Variants in HDAC9 observed in about 807,000 individuals in gnomAD.
The protein encoded by HDAC9 is MEF-2 interacting transcription repressor (MITR) protein.
In HDAC9, 41 loss-of-function variants were observed where a neutral mutation model predicts 139.4. The ratio of observed to expected loss-of-function variants is 0.29; its 90% CI spans 0.23 to 0.38. The LOEUF is 0.38. Ranked by LOEUF, HDAC9 falls within the 10% of genes least tolerant of loss-of-function variation. The pLI is 1.00. For synonymous variants in HDAC9, 517 were observed against 476.2 expected (o/e 1.09, Z -1.12); for missense variants, 1,147 against 1,297.0 (o/e 0.88, Z 1.78).
intron 1 of HDAC9, among the ~76,000 whole-genome samples, chr7:18,149,313 A>G (rs1277000029): frequency 1.3e-5 from 2 of 150,180 alleles, no homozygotes; most frequent in African/African-American, 4.9e-5. Context: ...TAATTATAAT[A>G]TTTAACAACA....
intron 12 of HDAC9, among the ~76,000 whole-genome samples, chr7:18,718,333 G>T (rs1438363047): frequency 6.6e-6 from 1 of 152,136 alleles, no homozygotes; most frequent in African/African-American, 2.4e-5. Context: ...CCAGGTTCAA[G>T]CAATTCTCCT....
At chr7:18,704,853 G>T (rs993865535) in intron 12 of HDAC9, among the ~76,000 whole-genome samples, 7 of 152,096 alleles carry the variant, frequency 4.6e-5, no homozygotes, top group Non-Finnish European at 1.0e-4. Flanking sequence ...AGAGGAAATT[G>T]AAGTAAAACA....
chr7:18,092,063 T>G (rs73683824), intron 1 of HDAC9, among the ~76,000 whole-genome samples: 2,201 of 152,264 alleles, frequency 0.014, 55 homozygotes, highest in African/African-American at 0.05. Context: ...CAGCTTAGGG[T>G]ATGTCCACCA....
chr7:18,506,332 T>A (rs1378388288), intron 2 of HDAC9, among the ~76,000 whole-genome samples: 1 of 152,182 alleles, frequency 6.6e-6, no homozygotes, highest in African/African-American at 2.4e-5. Context: ...TGGTTGATGA[T>A]GACAACAAGA....
intron 1 of HDAC9, among the ~76,000 whole-genome samples, chr7:18,143,419 G>A (rs568758732): frequency 1.3e-5 from 2 of 152,278 alleles, no homozygotes; most frequent in East Asian, 1.9e-4. Flanking sequence ...TATTGACAGG[G>A]TGGAGGCAGA....
intron 2 of HDAC9, chr7:18,162,384 TTCATG>T: frequency 1.3e-6 from 2 of 1,519,094 alleles, no homozygotes; most frequent in East Asian, 4.9e-5. Context: ...GTTAATAGAC[TTCATG>T]TGAAAGATGT....
intron 4 of HDAC9, among the ~76,000 whole-genome samples, 161 bp downstream of exon 4, chr7:18,590,647 C>T (rs758090374): frequency 1.3e-5 from 2 of 152,190 alleles, no homozygotes; most frequent in Non-Finnish European, 2.9e-5. Context: ...TTGACATTTA[C>T]ATACCAGCTC....
intron 1 of HDAC9, among the ~76,000 whole-genome samples, chr7:18,439,266 T>G (rs1791518223): frequency 6.6e-6 from 1 of 152,364 alleles, no homozygotes; most frequent in Non-Finnish European, 1.5e-5. Flanking sequence ...ATTCTGCTTT[T>G]TTCTTCATCT....
At chr7:18,763,483 G>A (rs571221901) in intron 15 of HDAC9, among the ~76,000 whole-genome samples, 3 of 152,018 alleles carry the variant, frequency 2.0e-5, no homozygotes, top group Non-Finnish European at 4.4e-5. Context: ...AAAAAATAAT[G>A]TATACTATCG....
intron 2 of HDAC9, among the ~76,000 whole-genome samples, chr7:18,272,181 TAGTATTAA>T (rs1042789261): frequency 3.3e-5 from 5 of 152,310 alleles, no homozygotes; most frequent in Non-Finnish European, 7.4e-5. Flanking sequence ...CCAGCAATTA[TAGTATTAA>T]CAGTTTCATC....
chr7:18,934,854 G>A (rs1781512570), intron 22 of HDAC9, among the ~76,000 whole-genome samples: 1 of 152,064 alleles, frequency 6.6e-6, no homozygotes, highest in African/African-American at 2.4e-5. Context: ...AATGTTCATG[G>A]CGACGTTATT....
intron 1 of HDAC9, among the ~76,000 whole-genome samples, chr7:18,461,968 C>G (rs987663791): frequency 2.0e-5 from 3 of 151,880 alleles, no homozygotes; most frequent in African/African-American, 7.3e-5. Flanking sequence ...AAAACAGAGG[C>G]CTGGAGAAAC....
At chr7:18,138,887 C>T (rs1462364425) in intron 1 of HDAC9, among the ~76,000 whole-genome samples, 2 of 152,034 alleles carry the variant, frequency 1.3e-5, no homozygotes, top group Non-Finnish European at 2.9e-5. Flanking sequence ...CTTCCTGGCA[C>T]TCTAGAATAA....
chr7:18,154,729 A>G (rs1787045566), intron 1 of HDAC9, among the ~76,000 whole-genome samples: 1 of 152,230 alleles, frequency 6.6e-6, no homozygotes, highest in East Asian at 1.9e-4. Flanking sequence ...GATTAAAGAA[A>G]TCACAGAATT....
intron 21 of HDAC9, among the ~76,000 whole-genome samples, chr7:18,861,458 C>T (rs1439017525): frequency 7.2e-5 from 11 of 152,128 alleles, no homozygotes; most frequent in Non-Finnish European, 1.5e-4. Context: ...TTGCCCAGCT[C>T]CCTATGCTTG....
upstream of HDAC9, among the ~76,000 whole-genome samples, chr7:18,494,433 C>G (rs141640995): frequency 1.1e-3 from 170 of 152,154 alleles, 1 homozygote; most frequent in Non-Finnish European, 1.3e-3. Flanking sequence ...GCTTTTTCCT[C>G]TCTTTCCCCT....
chr7:18,872,637 T>A (rs191430103), intron 21 of HDAC9, among the ~76,000 whole-genome samples: 1 of 152,180 alleles, frequency 6.6e-6, no homozygotes, highest in African/African-American at 2.4e-5. Context: ...TAGGCACTTA[T>A]ACTCTGTAGA....
At chr7:18,748,931 C>T (rs779827421) in intron 13 of HDAC9, 74 bp from the exon 14 acceptor site, 116 of 1,347,858 alleles carry the variant, frequency 8.6e-5, no homozygotes, top group Non-Finnish European at 1.1e-4. Context: ...TTGGAGTTAT[C>T]ATATTATCTC....
At chr7:18,117,363 G>A (rs1327869658) in intron 1 of HDAC9, among the ~76,000 whole-genome samples, 1 of 152,048 alleles carries the variant, frequency 6.6e-6, no homozygotes, top group East Asian at 1.9e-4. Context: ...GTGGGCGCCT[G>A]TAGTCCCAGC....
Sources: allele counts gnomAD v4.1 joint callset (sites outside exome capture counted in the v4.1 genomes callset), GRCh38; gene constraint gnomAD v4.1.1; transcripts MANE v1.5; gene names NCBI Gene and HGNC (gene_info 2026-07-23, HGNC 2026-07-21).